XPO7: variants seen among roughly 807,000 people sequenced by gnomAD.
XPO7 encodes the protein exportin-7.
Under a neutral mutation model 144.3 loss-of-function variants are expected in XPO7, and 21 were observed. The observed-to-expected ratio is 0.15, with a 90% CI of 0.10 to 0.21. The LOEUF is 0.21. XPO7 is among the 10% of genes least tolerant of loss of function. XPO7 has a pLI of 1.00. For missense variants in XPO7, 808 were observed against 1,325.8 expected (o/e 0.61, Z 6.06); for synonymous variants, 580 against 499.6 (o/e 1.16, Z -2.15).
chr8:21,956,965 A>G (rs1563320806), intron 1 of XPO7, among the ~76,000 whole-genome samples: 4 of 152,222 alleles, frequency 2.6e-5, no homozygotes, highest in Admixed American at 1.3e-4. Flanking sequence ...TTAAGATAAT[A>G]CAGAGTTGAC....
chr8:21,974,812 T>C (rs1402398935), intron 6 of XPO7, 38 bp downstream of exon 6: 1 of 1,481,790 alleles, frequency 6.7e-7, no homozygotes, highest in South Asian at 1.2e-5. Flanking sequence ...CCAGTTTCTT[T>C]TGAAAGAATG....
At chr8:21,969,957 A>G (rs1811998538) in intron 3 of XPO7, 187 bp from the exon 4 acceptor site, 5 of 669,910 alleles carry the variant, frequency 7.5e-6, no homozygotes, top group Non-Finnish European at 1.2e-5. Flanking sequence ...ATTCTGAATT[A>G]GAACACCTAC....
chr8:21,933,117 T>C (rs1810707935), intron 1 of XPO7, among the ~76,000 whole-genome samples: 1 of 124,482 alleles, frequency 8.0e-6, no homozygotes, highest in African/African-American at 3.0e-5. Flanking sequence ...TTTTTTTTTT[T>C]TGAGATGGAG....
rs563410397 is a variant in XPO7, at chr8:21,993,977, C to T, written c.2149-386C>T. Among the ~76,000 whole-genome samples the T allele has an allele frequency of 2.0e-5, 3 of 151,210 alleles. No individual in the cohort carries two copies. The East Asian group carries it at 5.8e-4, about 29-fold the overall frequency. ...CGCCCCCCACCCTCTCTCCCCCTCC[C>T]TCCCCTCCTTTCCTCCCTGGGTGGA... On this transcript the variant is annotated intron_variant, in intron 19 of 27. Coordinates refer to ENST00000252512, the MANE Select transcript of XPO7 (RefSeq NM_015024.5).
At chr8:21,934,369 A>C (rs1241397754) in intron 1 of XPO7, among the ~76,000 whole-genome samples, 2 of 152,084 alleles carry the variant, frequency 1.3e-5, no homozygotes, top group African/African-American at 4.8e-5. Context: ...CCCTGTCTCT[A>C]CTAAAAATAC....
intron 4 of XPO7, among the ~76,000 whole-genome samples, chr8:21,970,955 T>C (rs1198474998): frequency 1.3e-5 from 2 of 152,182 alleles, no homozygotes; most frequent in African/African-American, 4.8e-5. Flanking sequence ...CACTCACCAC[T>C]CACTCACTGA....
At position 21,919,782 on chromosome 8, in the gene XPO7, T is replaced by C. The variant is rs1325464371; in HGVS notation, c.12T>C (p.His4=). Residue 4 remains histidine (H), a synonymous_variant, in exon 1 of 28, where the codon CAT becomes CAC. Transcript: ENST00000252512. MAD[H]VQSLAQLENL... The stretch of plus-strand genomic sequence containing the variant: ...ATGAATGGAGCAAAATGGCGGATCA[T>C]GTGCAGGTGAGAGGAGCCGCGGGGG... 3.2e-5 allele frequency: 17 copies of C among 533,692 alleles called. No homozygotes were observed. The highest frequency in any genetic ancestry group is 5.3e-5 in the East Asian group (1 of 18,712). The allele number at this position is 533,692 out of a possible 1,614,324, so 33.1% of individuals were successfully genotyped here.
At chr8:21,974,359 T>TA (rs1273836539) in intron 5 of XPO7, among the ~76,000 whole-genome samples, 1 of 152,040 alleles carries the variant, frequency 6.6e-6, no homozygotes, top group Non-Finnish European at 1.5e-5. Flanking sequence ...TGAAAGTAAT[T>TA]ATCAGTAACG....
At chr8:21,960,471 A>C (rs949308139) in intron 1 of XPO7, among the ~76,000 whole-genome samples, 1 of 152,236 alleles carries the variant, frequency 6.6e-6, no homozygotes, top group Non-Finnish European at 1.5e-5. Context: ...CATTCTGGCT[A>C]TTTACTTCAT....
At chr8:21,940,875 G>A (rs764395012) in intron 1 of XPO7, among the ~76,000 whole-genome samples, 4 of 152,108 alleles carry the variant, frequency 2.6e-5, no homozygotes, top group African/African-American at 4.8e-5. Context: ...ATCTCTGGAT[G>A]CATCTGTAGT....
chr8:21,955,045 G>T (rs1227662458), intron 1 of XPO7, among the ~76,000 whole-genome samples: 1 of 152,196 alleles, frequency 6.6e-6, no homozygotes, highest in Non-Finnish European at 1.5e-5. Context: ...AATATAGCAG[G>T]AAAGTTTATT....
chr8:21,974,861 G>C, intron 6 of XPO7, 87 bp downstream of exon 6: 1 of 1,064,668 alleles, frequency 9.4e-7, no homozygotes, highest in Non-Finnish European at 1.4e-6. Flanking sequence ...GCTTTTAACT[G>C]ATCCCACGAG....
At chr8:21,938,693 T>G (rs1242873053) in intron 1 of XPO7, among the ~76,000 whole-genome samples, 4 of 152,130 alleles carry the variant, frequency 2.6e-5, no homozygotes, top group African/African-American at 9.7e-5. Flanking sequence ...CATGATGCAG[T>G]ACTAGATATG....
intron 11 of XPO7, 119 bp downstream of exon 11, chr8:21,982,931 T>G: frequency 8.1e-7 from 1 of 1,233,590 alleles, no homozygotes; most frequent in Non-Finnish European, 1.1e-6. Flanking sequence ...GCCACTACTG[T>G]TCATGGTTCT....
At chr8:21,932,524 C>T (rs889861742) in intron 1 of XPO7, among the ~76,000 whole-genome samples, 5 of 151,992 alleles carry the variant, frequency 3.3e-5, no homozygotes, top group South Asian at 2.1e-4. Flanking sequence ...TGTTCTGTTT[C>T]GAGTTTCTTA....
chr8:21,978,535 A>G (rs898818970), intron 8 of XPO7, among the ~76,000 whole-genome samples: 5 of 152,238 alleles, frequency 3.3e-5, no homozygotes, highest in African/African-American at 4.8e-5. Flanking sequence ...TCGCTGAAAC[A>G]TGATTTCAGT....
intron 1 of XPO7, chr8:21,966,120 C>T (rs1811874695): frequency 8.0e-6 from 5 of 623,180 alleles, no homozygotes; most frequent in East Asian, 5.5e-5. Flanking sequence ...CTTCCTGCCT[C>T]CCTGGAACTG....
At chr8:21,977,450 G>A (rs1812261828) in intron 7 of XPO7, among the ~76,000 whole-genome samples, 1 of 152,216 alleles carries the variant, frequency 6.6e-6, no homozygotes, top group African/African-American at 2.4e-5. Flanking sequence ...ATGGTGGCAC[G>A]TGCCTGTAAT....
At chr8:21,958,892 T>C (rs746283719) in intron 1 of XPO7, among the ~76,000 whole-genome samples, 26 of 145,792 alleles carry the variant, frequency 1.8e-4, no homozygotes, top group Non-Finnish European at 3.7e-4. Context: ...ACCCGGGAGG[T>C]AGAGGTTGCA....
Sources: allele counts gnomAD v4.1 joint callset (sites outside exome capture counted in the v4.1 genomes callset), GRCh38; gene constraint gnomAD v4.1.1; transcripts MANE v1.5; gene names NCBI Gene and HGNC (gene_info 2026-07-23, HGNC 2026-07-21).